The following HACE1 variants were observed in gnomAD, a reference collection of about 807,000 sequenced individuals.
The protein encoded by HACE1 is HECT domain and ankyrin repeat containing E3 ubiquitin protein ligase 1.
Under a neutral mutation model 118.4 loss-of-function variants are expected in HACE1, and 73 were observed. The ratio of observed to expected loss-of-function variants is 0.62; its 90% CI spans 0.51 to 0.75. The LOEUF (loss-of-function observed/expected upper bound fraction) is 0.75, where lower values mean the gene tolerates loss of function less well. Ranked by LOEUF, HACE1 falls within the 30% of genes least tolerant of loss-of-function variation. The pLI, the probability that HACE1 is intolerant of heterozygous loss-of-function variation, is 0.00. For synonymous variants in HACE1, 368 were observed against 374.8 expected (o/e 0.98, Z 0.21); for missense variants, 749 against 1,102.2 (o/e 0.68, Z 4.54).
At chr6:104,747,862 C>T (rs1777597927) in intron 20 of HACE1, among the ~76,000 whole-genome samples, 1 of 152,038 alleles carries the variant, frequency 6.6e-6, no homozygotes, top group Non-Finnish European at 1.5e-5. Context: ...TGTTGCTCTT[C>T]CCAAATGTGA....
chr6:104,852,239 G>A (rs921820885), intron 2 of HACE1, 78 bp downstream of exon 2: 70 of 815,716 alleles, frequency 8.6e-5, no homozygotes, highest in South Asian at 2.0e-4. Flanking sequence ...GCGCGCGTGC[G>A]CGTGCACGGG....
In HACE1 at chr6:104,859,610, C is replaced by A; in HGVS notation, c.33G>T (p.Leu11=). MERAMEQLNR[L]TRSLRRARTV... Reference sequence around the variant, plus strand: ...TGCGCGCGCGGCGCAGCGAGCGCGTCAGGCGGTTGAGTTGCTCCATCGCTC... The same window carrying A: ...TGCGCGCGCGGCGCAGCGAGCGCGTAAGGCGGTTGAGTTGCTCCATCGCTC... Residue 11 remains leucine (L), a synonymous_variant, in exon 1 of 24, where the codon CTG becomes CTT. Transcript: ENST00000262903. 1 of 1,531,086 alleles carries A rather than the reference C, an allele frequency of 6.5e-7. No individual in the cohort carries two copies. The highest frequency in any genetic ancestry group is 1.2e-5 in the South Asian group (1 of 82,752). 94.8% of individuals were successfully genotyped at this position (1,531,086 alleles called of 1,614,324 possible). A position where few individuals can be genotyped will look rare whatever the true frequency, so the allele number is the denominator to read the frequency against.
chr6:104,769,313 T>C (rs9499965), intron 19 of HACE1, among the ~76,000 whole-genome samples: 4,804 of 152,206 alleles, frequency 0.032, 242 homozygotes, highest in African/African-American at 0.11. Flanking sequence ...GGAATACAAT[T>C]GTTACTAGAT....
intron 1 of HACE1, among the ~76,000 whole-genome samples, chr6:104,853,251 C>A (rs1776417256): frequency 6.6e-6 from 1 of 152,188 alleles, no homozygotes; most frequent in African/African-American, 2.4e-5. Context: ...GCTTCCAGAA[C>A]TGTGAGAAAT....
Position 104,784,442 on chromosome 6 carries a change from C to G in HACE1, c.1453G>C (p.Glu485Gln). 6.2e-7 allele frequency: 1 copy of G among 1,612,576 alleles called. No homozygotes were observed. The highest frequency in any genetic ancestry group is 1.7e-4 in the Middle Eastern group (1 of 6,054). The change falls in exon 13 of 24, where the codon GAA becomes CAA. Residue 485 changes from glutamate (E) to glutamine (Q), a missense_variant. Around this residue, in one of 5 missense-constraint regions of HACE1, gnomAD observed 195 missense variants for 322.1 expected, o/e 0.61. Coordinates refer to ENST00000262903, the MANE Select transcript of HACE1 (RefSeq NM_020771.4). ...CTATTAACAAAGCATTTTAAAACTT[C>G]ATCATGTTTGCAGACAAATTCAATG... ...RFIEFVCKHD[E>Q]VLKCFVNRNP...
intron 19 of HACE1, among the ~76,000 whole-genome samples, chr6:104,766,551 T>C (rs966059683): frequency 2.0e-5 from 3 of 152,212 alleles, no homozygotes; most frequent in African/African-American, 7.2e-5. Flanking sequence ...ATTAAATGTG[T>C]ATGTTAAATA....
chr6:104,755,399 G>A (rs1778482460), intron 19 of HACE1, among the ~76,000 whole-genome samples: 1 of 152,080 alleles, frequency 6.6e-6, no homozygotes, highest in African/African-American at 2.4e-5. Flanking sequence ...AAGATATTCT[G>A]GACCTGAACT....
At chr6:104,773,757 T>TA (rs1306826590) in intron 17 of HACE1, among the ~76,000 whole-genome samples, 1 of 145,648 alleles carries the variant, frequency 6.9e-6, no homozygotes, top group Non-Finnish European at 1.5e-5. Flanking sequence ...AAAGAATAGA[T>TA]AAGGAGACTT....
intron 19 of HACE1, 21 bp from the exon 20 acceptor site, chr6:104,750,493 A>G: frequency 3.1e-6 from 5 of 1,610,984 alleles, no homozygotes; most frequent in Non-Finnish European, 4.2e-6. Context: ...AGAAGTTTTC[A>G]TGATGACTTT....
chr6:104,757,328 C>T (rs937188126), intron 19 of HACE1, among the ~76,000 whole-genome samples: 9 of 152,102 alleles, frequency 5.9e-5, no homozygotes, highest in East Asian at 1.9e-4. Context: ...CCCTCTGGGA[C>T]GAAGCTTCCA....
intron 7 of HACE1, among the ~76,000 whole-genome samples, chr6:104,803,813 G>C (rs1043897935): frequency 6.6e-6 from 1 of 152,162 alleles, no homozygotes. Flanking sequence ...ACAAGAGAAG[G>C]ATGCCGTCTC....
chr6:104,822,794 T>C (rs1463492640), intron 6 of HACE1, among the ~76,000 whole-genome samples: 1 of 152,006 alleles, frequency 6.6e-6, no homozygotes, highest in Non-Finnish European at 1.5e-5. Context: ...GAGGCGGAGG[T>C]TGCAGTGAGC....
intron 1 of HACE1, 141 bp downstream of exon 1, chr6:104,859,426 G>T: frequency 1.5e-6 from 1 of 680,128 alleles, no homozygotes; most frequent in Non-Finnish European, 2.4e-6. Context: ...GCCCGGGGCC[G>T]CCTCTCAGCT....
chr6:104,820,119 C>T (rs1348282805), intron 6 of HACE1, among the ~76,000 whole-genome samples: 4 of 148,736 alleles, frequency 2.7e-5, no homozygotes, highest in Non-Finnish European at 5.9e-5. Context: ...CGCTTGAACC[C>T]GGGAGGTGGA....
In HACE1 at chr6:104,833,090, G is replaced by A. The variant is rs1175987923; in HGVS notation, c.486C>T (p.Ala162=). 1.9e-6 allele frequency: 3 copies of A among 1,613,244 alleles called. No individual in the cohort carries two copies. Among genetic ancestry groups the A allele is most frequent in the South Asian group, 2.2e-5 (2 of 91,064 alleles). ...QHVSDVDVED[A]MGQTALHVAC... ...CAACATGCAGTGCTGTCTGCCCCAT[G>A]GCATCCTCAACATCAACATCACTGA... The change falls in exon 6 of 24, where the codon GCC becomes GCT. Residue 162 remains alanine (A), a synonymous_variant. Coordinates refer to ENST00000262903, the MANE Select transcript of HACE1 (RefSeq NM_020771.4).
At chr6:104,730,209 G>A (rs1775054318) in intron 23 of HACE1, 94 bp downstream of exon 23, 6 of 747,792 alleles carry the variant, frequency 8.0e-6, no homozygotes, top group South Asian at 1.4e-5. Context: ...CACAGCTGAG[G>A]TTTTCCTCCC....
intron 19 of HACE1, among the ~76,000 whole-genome samples, chr6:104,768,474 A>C (rs564476457): frequency 6.6e-6 from 1 of 152,310 alleles, no homozygotes; most frequent in South Asian, 2.1e-4. Context: ...ATTTTAAGCA[A>C]GGTAAAATGT....
At chr6:104,774,880 T>C (rs1781060996) in intron 17 of HACE1, among the ~76,000 whole-genome samples, 1 of 152,236 alleles carries the variant, frequency 6.6e-6, no homozygotes, top group Admixed American at 6.5e-5. Flanking sequence ...AAAATTATTA[T>C]AGATATCGGG....
intron 19 of HACE1, among the ~76,000 whole-genome samples, chr6:104,756,086 G>A (rs1409964946): frequency 1.3e-5 from 2 of 152,024 alleles, no homozygotes; most frequent in East Asian, 3.9e-4. Context: ...AATCAGAAAT[G>A]ATAAGGTAGA....
Sources: gnomAD v4.1 joint callset for allele counts (sites outside exome capture counted in the v4.1 genomes callset) on GRCh38, gnomAD v4.1.1 for gene constraint, gnomAD v4.1.1 regional missense constraint, MANE v1.5 for transcripts, NCBI Gene and HGNC (gene_info 2026-07-23, HGNC 2026-07-21) for gene names.